The following THOC1 variants were observed in gnomAD, a reference collection of about 807,000 sequenced individuals.
THOC1 encodes the protein THO complex subunit 1, also known as THO complex 1.
THOC1 carries 29 observed loss-of-function variants against 97.3 expected under a neutral mutation model. The observed-to-expected ratio is 0.30, with a 90% CI of 0.22 to 0.41. The LOEUF is 0.41. Among genes scored for constraint, THOC1 ranks in the 10% least tolerant of loss-of-function variants. The pLI is 1.00. For synonymous variants in THOC1, 255 were observed against 257.0 expected, an observed-to-expected ratio of 0.99 and a Z score of 0.07; for missense variants, 529 against 761.9, an observed-to-expected ratio of 0.69 and a Z score of 3.60.
In THOC1 at chr18:261,532, A is replaced by C. The variant is rs374300365; in HGVS notation, c.257-1228T>G. Among the ~76,000 whole-genome samples the C allele has an allele frequency of 3.9e-5, 6 of 152,334 alleles. No individual in the cohort carries two copies. The East Asian group carries it at 1.2e-3, about 29-fold the overall frequency. Reference sequence around the variant, plus strand: ...ACACCAATAACCACATTTGTCTAACAGGACTCAAACAGTGAGCTCCACTAA... The same window carrying C: ...ACACCAATAACCACATTTGTCTAACCGGACTCAAACAGTGAGCTCCACTAA... On this transcript the variant is annotated intron_variant, in intron 4 of 20. Coordinates refer to ENST00000261600, the MANE Select transcript of THOC1 (RefSeq NM_005131.3).
intron 17 of THOC1, among the ~76,000 whole-genome samples, chr18:221,666 T>C (rs1368440320): frequency 2.1e-5 from 3 of 144,796 alleles, no homozygotes; most frequent in Non-Finnish European, 4.5e-5. Context: ...TGGAGTGCAG[T>C]GGTGCGATCT....
At chr18:230,644 C>T (rs1056605593) in intron 11 of THOC1, among the ~76,000 whole-genome samples, 1 of 152,078 alleles carries the variant, frequency 6.6e-6, no homozygotes, top group Non-Finnish European at 1.5e-5. Flanking sequence ...CTCAATTGTA[C>T]CCTTTCTTTC....
At chr18:252,695 C>T in intron 8 of THOC1, 83 bp from the exon 9 acceptor site, 1 of 1,183,844 alleles carries the variant, frequency 8.4e-7, no homozygotes, top group Non-Finnish European at 1.2e-6. Flanking sequence ...TGGTCAGTTA[C>T]ACATTCCTAG....
intron 11 of THOC1, among the ~76,000 whole-genome samples, chr18:234,051 C>T (rs1315208341): frequency 1.3e-5 from 2 of 152,108 alleles, no homozygotes; most frequent in African/African-American, 4.8e-5. Context: ...AAGATTACGC[C>T]TAGGTATTGG....
chr18:227,721 C>T (rs1262228318), intron 11 of THOC1, among the ~76,000 whole-genome samples: 1 of 152,166 alleles, frequency 6.6e-6, no homozygotes, highest in East Asian at 1.9e-4. Flanking sequence ...TATCCACAAA[C>T]TCATGCTAGT....
intron 17 of THOC1, among the ~76,000 whole-genome samples, chr18:221,793 A>G (rs894196685): frequency 6.6e-6 from 1 of 152,064 alleles, no homozygotes; most frequent in African/African-American, 2.4e-5. Flanking sequence ...TATTTTTAGT[A>G]GAGACGGGGT....
chr18:253,218 G>C (rs1049550582), intron 8 of THOC1, among the ~76,000 whole-genome samples: 6 of 152,174 alleles, frequency 3.9e-5, no homozygotes, highest in Non-Finnish European at 8.8e-5. Flanking sequence ...CCAGGCAATA[G>C]CTATTGAAAT....
At chr18:249,414 C>A (rs1329658215) in intron 9 of THOC1, among the ~76,000 whole-genome samples, 1 of 152,146 alleles carries the variant, frequency 6.6e-6, no homozygotes, top group Non-Finnish European at 1.5e-5. Flanking sequence ...CACCTGTAAT[C>A]CCAACACTTT....
intron 11 of THOC1, chr18:246,097 G>A (rs1912078156): frequency 3.1e-6 from 1 of 326,988 alleles, no homozygotes; most frequent in Non-Finnish European, 5.6e-6. Flanking sequence ...TCCAAAATTA[G>A]TTTACAAAAC....
chr18:252,544 T>C lies in THOC1; in HGVS notation c.672A>G (p.Thr224=), dbSNP rs1912312193. 6.2e-7 allele frequency: 1 copy of C among 1,611,332 alleles called. No individual in the cohort carries two copies. The highest frequency in any genetic ancestry group is 1.3e-5 in the African/African-American group (1 of 74,874). ...CTTAGGCTCTGAAAACTCACCACGT[T>C]GTTGGAGCTTCCTCGTCTCCCATTT... The part of the protein sequence containing the change: ...EGEMGDEEAP[T]TCSIPIDYNL... Residue 224 remains threonine, a synonymous_variant, in exon 9 of 21, where the codon ACA becomes ACG. Transcript: ENST00000261600.
intron 11 of THOC1, chr18:244,510 T>G (rs370833651): frequency 2.0e-5 from 3 of 152,326 alleles, no homozygotes; most frequent in African/African-American, 7.2e-5. Context: ...TTTCAGCACT[T>G]TAATATTTCT....
intron 19 of THOC1, 36 bp from the exon 20 acceptor site, chr18:215,540 C>T: frequency 6.5e-7 from 1 of 1,544,360 alleles, no homozygotes. Flanking sequence ...GAAAGAATGC[C>T]AGCCTCTGAA....
At chr18:259,850 T>C in intron 5 of THOC1, 120 bp from the exon 6 acceptor site, 1 of 634,306 alleles carries the variant, frequency 1.6e-6, no homozygotes, top group Non-Finnish European at 2.6e-6. Flanking sequence ...ACTATGCCAC[T>C]TTCACTTTTT....
At chr18:248,362 G>A (rs1912163067) in intron 9 of THOC1, among the ~76,000 whole-genome samples, 1 of 152,128 alleles carries the variant, frequency 6.6e-6, no homozygotes, top group Non-Finnish European at 1.5e-5. Context: ...ATGTGAGCGT[G>A]AGCCACCTTG....
chr18:248,870 C>T (rs576993495), intron 9 of THOC1, among the ~76,000 whole-genome samples: 1 of 152,190 alleles, frequency 6.6e-6, no homozygotes, highest in South Asian at 2.1e-4. Flanking sequence ...CCTGCCTCAG[C>T]CTCCTGAGTA....
At chr18:225,256 A>G in intron 13 of THOC1, 81 bp downstream of exon 13, 2 of 1,562,568 alleles carry the variant, frequency 1.3e-6, no homozygotes, top group Non-Finnish European at 1.7e-6. Context: ...CTTTATCCTT[A>G]TTTTCCTATT....
intron 7 of THOC1, among the ~76,000 whole-genome samples, chr18:255,803 G>A (rs1416453607): frequency 6.6e-6 from 1 of 152,202 alleles, no homozygotes; most frequent in East Asian, 1.9e-4. Context: ...CTTGTTAGGA[G>A]CTAATGCAGC....
chr18:264,596 A>G (rs1912705794), intron 3 of THOC1, among the ~76,000 whole-genome samples: 1 of 152,240 alleles, frequency 6.6e-6, no homozygotes, highest in Non-Finnish European at 1.5e-5. Context: ...CCTCTCACAA[A>G]AGAAACTGAA....
chr18:230,731 ACATTT>A (rs1263326384), intron 11 of THOC1, among the ~76,000 whole-genome samples: 3 of 152,130 alleles, frequency 2.0e-5, no homozygotes, highest in Non-Finnish European at 4.4e-5. Context: ...CATGGGTCAA[ACATTT>A]CATTATTATT....
Sources: allele counts gnomAD v4.1 joint callset (sites outside exome capture counted in the v4.1 genomes callset), GRCh38; gene constraint gnomAD v4.1.1; transcripts MANE v1.5; gene names NCBI Gene and HGNC (gene_info 2026-07-23, HGNC 2026-07-21).